The following DCUN1D3 variants were observed in gnomAD, a reference collection of about 807,000 sequenced individuals.
DCUN1D3 encodes defective in cullin neddylation 1 domain containing 3.
In DCUN1D3, 6 loss-of-function variants were observed where a neutral mutation model predicts 24.8. That is an observed-to-expected ratio of 0.24 (90% CI 0.13 to 0.48). The LOEUF is 0.48. Among genes scored for constraint, DCUN1D3 ranks in the 20% least tolerant of loss-of-function variants. The probability of loss-of-function intolerance (pLI) is 0.99; values close to 1 mark genes in which losing one functional copy is unlikely to be tolerated. For synonymous variants in DCUN1D3, 120 were observed against 144.9 expected (o/e 0.83, Z 1.24); for missense variants, 258 against 379.4 (o/e 0.68, Z 2.66).
chr16:20,871,396 A>G lies in DCUN1D3; in HGVS notation c.-105-8753T>C, dbSNP rs2081787548. Among the ~76,000 whole-genome samples, 6 of 152,370 alleles carry G rather than the reference A, an allele frequency of 3.9e-5. No individual in the cohort carries two copies. In the South Asian group the frequency reaches 1.2e-3, roughly 32 times the overall value. On this transcript the variant is annotated intron_variant, in intron 1 of 2. Transcript: ENST00000324344. Reference sequence around the variant, plus strand: ...GGGAGAAAGGGGGTAGGGAGGACAGAGAAAACTTTTAAAAAAGAAAACTGG... The same window carrying G: ...GGGAGAAAGGGGGTAGGGAGGACAGGGAAAACTTTTAAAAAAGAAAACTGG...
At chr16:20,889,342 A>C (rs2081881541) in intron 1 of DCUN1D3, among the ~76,000 whole-genome samples, 1 of 152,156 alleles carries the variant, frequency 6.6e-6, no homozygotes, top group South Asian at 2.1e-4. Context: ...CAGTGAGCTA[A>C]GATCGTGCCA....
intron 1 of DCUN1D3, among the ~76,000 whole-genome samples, chr16:20,864,706 C>T (rs2081752257): frequency 6.6e-6 from 1 of 152,210 alleles, no homozygotes; most frequent in South Asian, 2.1e-4. Flanking sequence ...TTCACTGCAG[C>T]ACTATTCACA....
At chr16:20,891,287 C>T (rs542186876) in intron 1 of DCUN1D3, among the ~76,000 whole-genome samples, 4 of 152,242 alleles carry the variant, frequency 2.6e-5, no homozygotes, top group East Asian at 3.9e-4. Context: ...CCACCATACC[C>T]GGCCGATTTT....
intron 1 of DCUN1D3, among the ~76,000 whole-genome samples, chr16:20,880,716 A>AT (rs1465257390): frequency 6.6e-6 from 1 of 152,028 alleles, no homozygotes; most frequent in Non-Finnish European, 1.5e-5. Flanking sequence ...AGCACCTACT[A>AT]TGTCCCTAGT....
intron 1 of DCUN1D3, among the ~76,000 whole-genome samples, chr16:20,871,882 T>C (rs2081790087): frequency 6.6e-6 from 1 of 152,250 alleles, no homozygotes; most frequent in Non-Finnish European, 1.5e-5. Context: ...ATTCTTTGTT[T>C]TCACACCAGC....
intron 1 of DCUN1D3, among the ~76,000 whole-genome samples, chr16:20,890,903 C>T (rs2081889223): frequency 6.6e-6 from 1 of 150,930 alleles, no homozygotes; most frequent in African/African-American, 2.5e-5. Context: ...GATCACAGCA[C>T]CTGGTCAAAA....
chr16:20,877,259 GA>G (rs893867836), intron 1 of DCUN1D3, among the ~76,000 whole-genome samples: 143 of 147,668 alleles, frequency 9.7e-4, no homozygotes, highest in African/African-American at 2.6e-3. Context: ...GTTCTGCGAT[GA>G]AAAAAAAAAG....
At chr16:20,895,817 G>A (rs1229350945) in intron 1 of DCUN1D3, among the ~76,000 whole-genome samples, 1 of 152,156 alleles carries the variant, frequency 6.6e-6, no homozygotes. Context: ...CAGACACAAA[G>A]AGATAATTTT....
intron 1 of DCUN1D3, among the ~76,000 whole-genome samples, chr16:20,874,068 A>T (rs2081802735): frequency 6.6e-6 from 1 of 152,230 alleles, no homozygotes; most frequent in Non-Finnish European, 1.5e-5. Flanking sequence ...CATAAGTTAG[A>T]TATCAGGTTT....
rs1246032668 is a variant in DCUN1D3 at position 20,860,751 on chromosome 16, G to C, written c.432-382C>G. On this transcript the variant is annotated intron_variant, in intron 2 of 2. Coordinates refer to ENST00000324344, the MANE Select transcript of DCUN1D3 (RefSeq NM_173475.4). This position sits in a 1 kb window ranked among gnomAD's most constrained non-coding sequence, Gnocchi z 4.3. ...CTCCTTCCAGAGGAGGAGGCTTCCT[G>C]TTTCCCTTCTGATTCTCTATGGGTT... is the stretch of plus-strand genomic sequence containing the variant. 2.0e-5 allele frequency among the ~76,000 whole-genome samples: 3 copies of C among 152,124 alleles called. No homozygotes were observed. Among genetic ancestry groups the C allele is most frequent in the African/African-American group, 7.2e-5 (3 of 41,406 alleles).
rs367576234 is a variant in DCUN1D3, at chr16:20,860,398, T to C, written c.432-29A>G. On this transcript the variant is annotated intron_variant, in intron 2 of 2. Coordinates refer to ENST00000324344, the MANE Select transcript of DCUN1D3 (RefSeq NM_173475.4). This position sits in a 1 kb window ranked among gnomAD's most constrained non-coding sequence, Gnocchi z 4.3. Reference sequence around the variant, plus strand: ...CAACAGAAAGGAAAAGGACAATTAATCATTATAAACTATACTATTTACAGG... The same window carrying C: ...CAACAGAAAGGAAAAGGACAATTAACCATTATAAACTATACTATTTACAGG... The C allele has an allele frequency of 1.1e-5, 17 of 1,594,688 alleles. No homozygotes were observed. The highest frequency in any genetic ancestry group is 1.4e-5 in the Non-Finnish European group (16 of 1,171,250).
In DCUN1D3 at chr16:20,900,339, C is replaced by T. The variant is rs889193773; in HGVS notation, c.-241G>A. 1 of 151,926 alleles carries T rather than the reference C, an allele frequency of 6.6e-6. No homozygotes were observed. The highest frequency in any genetic ancestry group is 1.9e-4 in the East Asian group (1 of 5,136). 9.4% of individuals were successfully genotyped at this position (151,926 alleles called of 1,614,324 possible). The stretch of plus-strand genomic sequence containing the variant: ...GCCGCCGCCTCTTCTTCCACCACTG[C>T]CACCGCCTCCTCTTCATCTGCGGCC... On this transcript the variant is annotated 5_prime_UTR_variant, in exon 1 of 3. The change creates a premature stop within an existing upstream ORF in the 5' untranslated region. Transcript: ENST00000324344.
intron 1 of DCUN1D3, among the ~76,000 whole-genome samples, chr16:20,871,858 C>A (rs1266534275): frequency 2.0e-5 from 3 of 152,190 alleles, no homozygotes; most frequent in Non-Finnish European, 4.4e-5. Context: ...AAATGGGCAC[C>A]AAATTTCTAG....
chr16:20,860,275 CTT>C lies in DCUN1D3; in HGVS notation c.524_525del (p.Gln175ArgfsTer3), dbSNP rs757101444. ...CGGTAGAGATCCTTGAATTTATCCT[CTT>C]GTTTGGCTTCTGTTAAGAGGCTAGG... Reference protein sequence around the residue: ...RFPSLLTEAKQEDKFKDLYRF... With the variant: ...RFPSLLTEAKXEDKFKDLYRF... On this transcript the variant is annotated frameshift_variant, in exon 3 of 3. Coordinates refer to ENST00000324344, the MANE Select transcript of DCUN1D3 (RefSeq NM_173475.4). LOFTEE classifies it high-confidence loss of function. The surrounding 1 kb of genome is among the most constrained non-coding windows in gnomAD (Gnocchi z 4.3). 6 of 1,614,222 alleles carry C rather than the reference CTT, an allele frequency of 3.7e-6. No homozygotes were observed. Among genetic ancestry groups the C allele is most frequent in the Admixed American group, 1.7e-5 (1 of 60,032 alleles).
chr16:20,891,271 C>T (rs1206495393), intron 1 of DCUN1D3, among the ~76,000 whole-genome samples: 3 of 152,298 alleles, frequency 2.0e-5, no homozygotes, highest in East Asian at 1.9e-4. Flanking sequence ...GGATTACCGG[C>T]GTGAGCCACC....
intron 1 of DCUN1D3, chr16:20,899,983 G>A (rs1219430519): frequency 3.3e-5 from 5 of 152,672 alleles, no homozygotes; most frequent in African/African-American, 7.2e-5. Flanking sequence ...GGGTGCTGGC[G>A]GTGGGGAGGC....
At chr16:20,898,109 C>T (rs893559020) in intron 1 of DCUN1D3, among the ~76,000 whole-genome samples, 1 of 152,188 alleles carries the variant, frequency 6.6e-6, no homozygotes, top group African/African-American at 2.4e-5. Context: ...CCTTTCTTCC[C>T]ATTCCCTGGA....
Position 20,856,114 on chromosome 16 carries a change from A to G in DCUN1D3, c.*3772T>C, listed in dbSNP as rs1382490242. The stretch of plus-strand genomic sequence containing the variant: ...GTCTACACCTTTTGGGCTTTGCTGC[A>G]CTGAAGACCTCATTTGGAATCTGGC... On this transcript the variant is annotated 3_prime_UTR_variant, in exon 3 of 3. Coordinates refer to ENST00000324344, the MANE Select transcript of DCUN1D3 (RefSeq NM_173475.4). 3.3e-5 allele frequency: 5 copies of G among 152,198 alleles called. No individual in the cohort carries two copies. Among genetic ancestry groups the G allele is most frequent in the African/African-American group, 1.2e-4 (5 of 41,436 alleles). 9.4% of individuals were successfully genotyped at this position (152,198 alleles called of 1,614,324 possible). A position where few individuals can be genotyped will look rare whatever the true frequency, so the allele number is the denominator to read the frequency against.
At chr16:20,882,522 C>T (rs1290215277) in intron 1 of DCUN1D3, among the ~76,000 whole-genome samples, 3 of 152,178 alleles carry the variant, frequency 2.0e-5, no homozygotes, top group Non-Finnish European at 4.4e-5. Flanking sequence ...ACCTCAGCCT[C>T]CCAAAGTGCT....
Sources: gnomAD v4.1 joint callset for allele counts (sites outside exome capture counted in the v4.1 genomes callset) on GRCh38, gnomAD v4.1.1 for gene constraint, Gnocchi (gnomAD v3.1) non-coding constraint, MANE v1.5 for transcripts, NCBI Gene and HGNC (gene_info 2026-07-23, HGNC 2026-07-21) for gene names.